Variants in DGKD observed in about 807,000 individuals in gnomAD.
DGKD encodes DAG kinase delta.
In DGKD, 68 loss-of-function variants were observed where a neutral mutation model predicts 154.4. The observed-to-expected ratio is 0.44, with a 90% CI of 0.36 to 0.54. DGKD has a LOEUF of 0.54. Among genes scored for constraint, DGKD ranks in the 20% least tolerant of loss-of-function variants. The pLI, the probability that DGKD is intolerant of heterozygous loss-of-function variation, is 0.00. For missense variants in DGKD, 1,343 were observed against 1,593.6 expected, an observed-to-expected ratio of 0.84 and a Z score of 2.68; for synonymous variants, 693 against 638.0, an observed-to-expected ratio of 1.09 and a Z score of -1.30.
intron 28 of DGKD, 124 bp downstream of exon 28, chr2:233,467,327 C>A (rs2063854595): frequency 2.7e-6 from 2 of 735,416 alleles, no homozygotes; most frequent in Admixed American, 2.0e-5. Context: ...GTGCTGTAAC[C>A]CCCGGTCCTG....
At chr2:233,456,103 A>C (rs1430519834) in intron 19 of DGKD, among the ~76,000 whole-genome samples, 1 of 152,236 alleles carries the variant, frequency 6.6e-6, no homozygotes, top group African/African-American at 2.4e-5. Flanking sequence ...TTGTATTGAG[A>C]GCTTTGAAAA....
At chr2:233,409,247 A>G (rs1243172138) in intron 3 of DGKD, among the ~76,000 whole-genome samples, 1 of 152,240 alleles carries the variant, frequency 6.6e-6, no homozygotes. Context: ...GTTAATTTTT[A>G]TGAACAAGTG....
chr2:233,391,616 G>C (rs1450070091), intron 3 of DGKD, among the ~76,000 whole-genome samples: 2 of 152,086 alleles, frequency 1.3e-5, no homozygotes, highest in African/African-American at 4.8e-5. Context: ...ATGTTATTAG[G>C]CCATCCCATG....
At chr2:233,432,518 G>A (rs1420019020) in intron 3 of DGKD, among the ~76,000 whole-genome samples, 1 of 152,166 alleles carries the variant, frequency 6.6e-6, no homozygotes, top group Non-Finnish European at 1.5e-5. Context: ...AATTAGCTGG[G>A]TGTGGTGGCG....
intron 1 of DGKD, among the ~76,000 whole-genome samples, chr2:233,364,443 T>G (rs1377516377): frequency 6.6e-6 from 1 of 152,218 alleles, no homozygotes; most frequent in African/African-American, 2.4e-5. Flanking sequence ...ATTATGCCTT[T>G]GGGTTTAAAT....
intron 3 of DGKD, among the ~76,000 whole-genome samples, chr2:233,428,983 A>G (rs377233193): frequency 2.0e-5 from 3 of 152,222 alleles, no homozygotes; most frequent in African/African-American, 7.2e-5. Context: ...GCACAGGTGA[A>G]GGCAATGATG....
chr2:233,457,317 A>G lies in DGKD; in HGVS notation c.2569A>G (p.Lys857Glu). The change falls in exon 21 of 30, where the codon AAG becomes GAG. Residue 857 changes from lysine to glutamate, a missense_variant. By Grantham distance (56) the Lys-to-Glu change is moderately conservative (BLOSUM62 1). Transcript: ENST00000264057. This position sits in a 1 kb window ranked among gnomAD's most constrained non-coding sequence, Gnocchi z 5.5. ...AGGAACCAACTTCTGGGGGGGTACC[A>G]AGGAAGATGATGTATGTATGGGGTG... ...AGGTNFWGGTKEDDTFAAPSF... is the reference protein window; with the variant it reads ...AGGTNFWGGTEEDDTFAAPSF... The G allele has an allele frequency of 6.5e-7, 1 of 1,538,772 alleles. No individual in the cohort carries two copies. Among genetic ancestry groups the G allele is most frequent in the South Asian group, 1.3e-5 (1 of 78,362 alleles).
intron 24 of DGKD, 143 bp downstream of exon 24, chr2:233,460,488 G>T (rs1050104632): frequency 9.0e-7 from 1 of 1,106,126 alleles, no homozygotes; most frequent in Non-Finnish European, 1.3e-6. Flanking sequence ...GCCTGTTTAT[G>T]TGCCCTCAGC....
intron 3 of DGKD, among the ~76,000 whole-genome samples, chr2:233,396,332 C>T (rs998018955): frequency 6.6e-6 from 1 of 152,128 alleles, no homozygotes; most frequent in African/African-American, 2.4e-5. Context: ...CTTGAAAAAA[C>T]GAATTCTGGT....
rs58963596 is a variant in DGKD, at chr2:233,449,468, T to C, written c.1888+92T>C. 3,453 of 1,471,366 alleles carry C rather than the reference T, an allele frequency of 2.3e-3. 74 individuals carry two copies. In the African/African-American group the frequency reaches 0.043, roughly 18 times the overall value. The allele number at this position is 1,471,366 out of a possible 1,614,324, so 91.1% of individuals were successfully genotyped here. On this transcript the variant is annotated intron_variant, in intron 15 of 29. Coordinates refer to ENST00000264057, the MANE Select transcript of DGKD (RefSeq NM_152879.3). The surrounding 1 kb of genome is among the most constrained non-coding windows in gnomAD (Gnocchi z 5.3). ...AACACGGAGATGACAGAAGGGTGCA[T>C]GTTGAGAAAACCTCCACTGCGGCCC... is the stretch of plus-strand genomic sequence containing the variant.
chr2:233,415,974 T>C (rs1299942347), intron 3 of DGKD, among the ~76,000 whole-genome samples: 1 of 151,934 alleles, frequency 6.6e-6, no homozygotes, highest in Non-Finnish European at 1.5e-5. Flanking sequence ...ATTTGGAAAA[T>C]AGAGAAAACC....
chr2:233,419,056 T>C (rs957692762), intron 3 of DGKD, among the ~76,000 whole-genome samples: 1 of 152,162 alleles, frequency 6.6e-6, no homozygotes, highest in African/African-American at 2.4e-5. Flanking sequence ...GGGAATTGTG[T>C]ACGGGGAATC....
intron 1 of DGKD, among the ~76,000 whole-genome samples, chr2:233,375,688 G>A (rs961902156): frequency 6.6e-6 from 1 of 152,052 alleles, no homozygotes; most frequent in Non-Finnish European, 1.5e-5. Context: ...TGACTTCCAA[G>A]TTTCCAAAGC....
Position 233,445,712 on chromosome 2 carries a change from C to A in DGKD, c.1284C>A (p.Leu428=). Residue 428 remains leucine (L), a synonymous_variant, in exon 11 of 30, where the codon CTC becomes CTA. Coordinates refer to ENST00000264057, the MANE Select transcript of DGKD (RefSeq NM_152879.3). The surrounding 1 kb of genome is among the most constrained non-coding windows in gnomAD (Gnocchi z 5.5). The stretch of plus-strand genomic sequence containing the variant: ...CAGCCTGCGATGACGACACCCAGCT[C>A]CCCCAGATCTTGGAGAAGTTGGAGA... The part of the protein sequence containing the change: ...WGSACDDDTQ[L]PQILEKLERA... The A allele has an allele frequency of 4.3e-6, 7 of 1,613,396 alleles. No individual in the cohort carries two copies. Among genetic ancestry groups the A allele is most frequent in the Non-Finnish European group, 5.1e-6 (6 of 1,179,700 alleles).
rs1701462743 is a variant in DGKD, at chr2:233,354,779, C to T, written c.156+105C>T. The T allele has an allele frequency of 3.2e-6, 2 of 632,836 alleles. No homozygotes were observed. Among genetic ancestry groups the T allele is most frequent in the East Asian group, 1.4e-4 (1 of 7,134 alleles). 39.2% of individuals were successfully genotyped at this position (632,836 alleles called of 1,614,324 possible). Reference sequence around the variant, plus strand: ...GCGGCCGCCCAGGCCCGGCTCGGCCCGGCCCGGGGTCCCGCGGGCGTCACC... The same window carrying T: ...GCGGCCGCCCAGGCCCGGCTCGGCCTGGCCCGGGGTCCCGCGGGCGTCACC... On this transcript the variant is annotated intron_variant, in intron 1 of 29. Transcript: ENST00000264057. This position sits in a 1 kb window ranked among gnomAD's most constrained non-coding sequence, Gnocchi z 4.8.
chr2:233,365,430 A>AGGG lies in DGKD; in HGVS notation c.156+10761_156+10763dup, dbSNP rs570738157. Among the ~76,000 whole-genome samples, 3 of 151,936 alleles carry AGGG rather than the reference A, an allele frequency of 2.0e-5. No homozygotes were observed. The South Asian group carries it at 6.3e-4, about 32-fold the overall frequency. ...ATTTTTGTATTTTTAATAGAGATGG[A>AGGG]GGGGGGGTCTCACCGTCTTGGTTAG... On this transcript the variant is annotated intron_variant, in intron 1 of 29. Coordinates refer to ENST00000264057, the MANE Select transcript of DGKD (RefSeq NM_152879.3).
At chr2:233,407,845 G>A (rs768216644) in intron 3 of DGKD, among the ~76,000 whole-genome samples, 3 of 152,176 alleles carry the variant, frequency 2.0e-5, no homozygotes, top group Admixed American at 6.5e-5. Context: ...CCTACCTAGC[G>A]TGAAACTGTG....
At chr2:233,462,241 T>C in intron 24 of DGKD, 107 bp from the exon 25 acceptor site, 1 of 868,150 alleles carries the variant, frequency 1.2e-6, no homozygotes, top group South Asian at 1.7e-5. Flanking sequence ...GGGCCTGCCC[T>C]CCACATCAGC....
chr2:233,462,755 ACAG>A lies in DGKD; in HGVS notation c.3186+24_3186+26del, dbSNP rs763705253. 1 of 1,604,528 alleles carries A rather than the reference ACAG, an allele frequency of 6.2e-7. No individual in the cohort carries two copies. The highest frequency in any genetic ancestry group is 8.5e-7 in the Non-Finnish European group (1 of 1,172,588). ...GCCCTGGTAAGCTGGTGCCCCAGGGACAGCAGGGCTCGGGCTGTGTGTGAAACG... is the reference window on the plus strand; with the variant it reads ...GCCCTGGTAAGCTGGTGCCCCAGGGACAGGGCTCGGGCTGTGTGTGAAACG... On this transcript the variant is annotated intron_variant, in intron 26 of 29. Transcript: ENST00000264057.
Sources: gnomAD v4.1 joint callset for allele counts (sites outside exome capture counted in the v4.1 genomes callset) on GRCh38, gnomAD v4.1.1 for gene constraint, Gnocchi (gnomAD v3.1) non-coding constraint, MANE v1.5 for transcripts, NCBI Gene and HGNC (gene_info 2026-07-23, HGNC 2026-07-21) for gene names.